The following GTF2A2 variants were observed in gnomAD, a reference collection of about 807,000 sequenced individuals.
The protein encoded by GTF2A2 is transcription initiation factor IIA subunit 2.
Under a neutral mutation model 14.3 loss-of-function variants are expected in GTF2A2, and 9 were observed. The observed-to-expected ratio is 0.63, with a 90% confidence interval of 0.38 to 1.10. GTF2A2 has a LOEUF of 1.10. GTF2A2 is among the 50% of genes least tolerant of loss of function. GTF2A2 has a pLI of 0.01. For synonymous variants in GTF2A2, 56 were observed against 46.0 expected, an observed-to-expected ratio of 1.22 and a Z score of -0.88; for missense variants, 90 against 124.6, an observed-to-expected ratio of 0.72 and a Z score of 1.32.
intron 3 of GTF2A2, chr15:59,644,278 CAT>C (rs1437147035): frequency 6.6e-6 from 1 of 152,194 alleles, no homozygotes; most frequent in Non-Finnish European, 1.5e-5. Flanking sequence ...CACATGCACA[CAT>C]ATAGTCACAT....
In GTF2A2 at chr15:59,639,175, A is replaced by C. The variant is rs773005782; in HGVS notation, c.305-18T>G. 1 of 1,207,644 alleles carries C rather than the reference A, an allele frequency of 8.3e-7. No homozygotes were observed. The highest frequency in any genetic ancestry group is 1.1e-6 in the Non-Finnish European group (1 of 888,210). The allele number at this position is 1,207,644 out of a possible 1,614,324, so 74.8% of individuals were successfully genotyped here. On this transcript the variant is annotated intron_variant, in intron 4 of 4. Coordinates refer to ENST00000396060, the MANE Select transcript of GTF2A2 (RefSeq NM_004492.3). ...GCCAGTATCTAGGAAACAAAAGAGA[A>C]AGTAAAGTAAAGTAAATTCAAGGAG...
chr15:59,639,212 T>A, intron 4 of GTF2A2, 55 bp from the exon 5 acceptor site: 2 of 1,055,230 alleles, frequency 1.9e-6, no homozygotes, highest in Non-Finnish European at 3.0e-6. Context: ...AATTTAATTT[T>A]ACAATTAACT....
chr15:59,656,941 T>C (rs1369882460), intron 1 of GTF2A2: 1 of 152,258 alleles, frequency 6.6e-6, no homozygotes, highest in Non-Finnish European at 1.5e-5. Flanking sequence ...TAACTCGTCC[T>C]AGCATTTTTT....
intron 2 of GTF2A2, chr15:59,651,280 C>G (rs753764375): frequency 6.6e-6 from 1 of 152,548 alleles, no homozygotes. Context: ...CGCATTCAAG[C>G]GATTCTCCTG....
intron 3 of GTF2A2, among the ~76,000 whole-genome samples, chr15:59,649,830 G>C (rs1891737645): frequency 6.6e-6 from 1 of 152,128 alleles, no homozygotes; most frequent in African/African-American, 2.4e-5. Context: ...TGCCTGGTAT[G>C]TTAACAGACA....
At chr15:59,641,439 A>T (rs1385140840) in intron 4 of GTF2A2, among the ~76,000 whole-genome samples, 2 of 152,154 alleles carry the variant, frequency 1.3e-5, no homozygotes, top group African/African-American at 4.8e-5. Context: ...TACTTTCTAC[A>T]TATCTTTCTC....
chr15:59,647,997 G>T (rs1258854775), intron 3 of GTF2A2, among the ~76,000 whole-genome samples: 5 of 152,156 alleles, frequency 3.3e-5, no homozygotes, highest in African/African-American at 9.7e-5. Flanking sequence ...TTTTTGGGGG[G>T]TGTGGCATTA....
In GTF2A2 at chr15:59,641,906, C is replaced by A. The variant is rs370270923; in HGVS notation, c.304+230G>T. ...AATGCTTATTAATTTGCTTATTTTA[C>A]CCACACAAATCCAACCTGTGTAAGC... On this transcript the variant is annotated intron_variant, in intron 4 of 4. Coordinates refer to ENST00000396060, the MANE Select transcript of GTF2A2 (RefSeq NM_004492.3). Among the ~76,000 whole-genome samples the A allele has an allele frequency of 2.6e-5, 4 of 152,290 alleles. No individual in the cohort carries two copies. In the East Asian group the frequency reaches 7.7e-4, roughly 29 times the overall value.
At chr15:59,639,187 G>GTAAATTCAAGGAGCAATT in intron 4 of GTF2A2, 30 bp from the exon 5 acceptor site, 1 of 1,275,260 alleles carries the variant, frequency 7.8e-7, no homozygotes, top group South Asian at 1.2e-5. Flanking sequence ...GTAAAGTAAA[G>GTAAATTCAAGGAGCAATT]TAAATTCAAG....
At chr15:59,641,382 C>G (rs866290574) in intron 4 of GTF2A2, among the ~76,000 whole-genome samples, 1 of 151,944 alleles carries the variant, frequency 6.6e-6, no homozygotes, top group African/African-American at 2.4e-5. Context: ...TTTGGAAATG[C>G]AAAATATATA....
Position 59,650,685 on chromosome 15 carries a change from T to C in GTF2A2, c.161A>G (p.Asn54Ser), listed in dbSNP as rs1891763910. 2 of 1,593,332 alleles carry C rather than the reference T, an allele frequency of 1.3e-6. No homozygotes were observed. Among genetic ancestry groups the C allele is most frequent in the Non-Finnish European group, 1.7e-6 (2 of 1,161,110 alleles). The change falls in exon 3 of 5, where the codon AAC (asparagine) becomes AGC (serine). Residue 54 changes from asparagine (N) to serine (S), a missense_variant. Coordinates refer to ENST00000396060, the MANE Select transcript of GTF2A2 (RefSeq NM_004492.3). ...TATCCTTACCCTGAAATTGACTCTG[T>C]TCCTGACCCTCTGAGCCAGTGCTGC... The part of the protein sequence containing the change: ...INAALAQRVR[N>S]RVNFRGSLNT...
At chr15:59,641,695 G>T (rs1891433786) in intron 4 of GTF2A2, among the ~76,000 whole-genome samples, 1 of 152,168 alleles carries the variant, frequency 6.6e-6, no homozygotes. Flanking sequence ...TAACAGATTA[G>T]ATGAATATTT....
At chr15:59,640,093 T>C (rs8035465) in intron 4 of GTF2A2, 86,040 of 151,886 alleles carry the variant, frequency 0.57, 25,012 homozygotes, top group Middle Eastern at 0.67. Context: ...TCTGCAGATA[T>C]AAAGTAAATG....
At position 59,638,264 on chromosome 15, in the gene GTF2A2, T is replaced by C. The variant is rs1891246795; in HGVS notation, c.*868A>G. 6.6e-6 allele frequency: 1 copy of C among 152,182 alleles called. No individual in the cohort carries two copies. The highest frequency in any genetic ancestry group is 1.5e-5 in the Non-Finnish European group (1 of 68,050). 9.4% of individuals were successfully genotyped at this position (152,182 alleles called of 1,614,324 possible). A position where few individuals can be genotyped will look rare whatever the true frequency, so the allele number is the denominator to read the frequency against. ...TACAGTGGCATGCTGAGGTAACAAC[T>C]GCAGGAGCATCGAGGTAACAGCAAA... is the stretch of plus-strand genomic sequence containing the variant. On this transcript the variant is annotated 3_prime_UTR_variant, in exon 5 of 5. Coordinates refer to ENST00000396060, the MANE Select transcript of GTF2A2 (RefSeq NM_004492.3).
rs187769107 is a variant in GTF2A2 at position 59,639,004 on chromosome 15, G to A, written c.*128C>T. ...ACAGAGTTACAAGTTTCTTTCTACT[G>A]GAATTCTCTGGTATAGCACAGTGTA... On this transcript the variant is annotated 3_prime_UTR_variant, in exon 5 of 5. Coordinates refer to ENST00000396060, the MANE Select transcript of GTF2A2 (RefSeq NM_004492.3). 1.4e-3 allele frequency: 933 copies of A among 654,582 alleles called. 4 individuals carry two copies. The highest frequency in any genetic ancestry group is 1.7e-3 in the Non-Finnish European group (614 of 359,344). The allele number at this position is 654,582 out of a possible 1,614,324, so 40.5% of individuals were successfully genotyped here.
intron 4 of GTF2A2, among the ~76,000 whole-genome samples, chr15:59,641,277 T>C (rs908328047): frequency 6.6e-6 from 1 of 151,648 alleles, no homozygotes; most frequent in East Asian, 1.9e-4. Flanking sequence ...AAAAAAGTTA[T>C]AACACCATCA....
intron 2 of GTF2A2, among the ~76,000 whole-genome samples, chr15:59,651,033 C>T (rs774049917): frequency 6.6e-6 from 1 of 152,158 alleles, no homozygotes; most frequent in Non-Finnish European, 1.5e-5. Context: ...TCAATTTTCC[C>T]TTACAGTGGC....
At chr15:59,653,853 A>T (rs1320115022) in intron 1 of GTF2A2, among the ~76,000 whole-genome samples, 1 of 152,180 alleles carries the variant, frequency 6.6e-6, no homozygotes, top group Non-Finnish European at 1.5e-5. Context: ...CGGTAACAGT[A>T]AACATAGTCT....
intron 4 of GTF2A2, among the ~76,000 whole-genome samples, 194 bp from the exon 5 acceptor site, chr15:59,639,351 T>TACAA (rs1891306684): frequency 6.6e-6 from 1 of 152,268 alleles, no homozygotes; most frequent in Admixed American, 6.5e-5. Context: ...TAAGCAGAGA[T>TACAA]ACAAAGATGC....
Sources: gnomAD v4.1 joint callset for allele counts (sites outside exome capture counted in the v4.1 genomes callset) on GRCh38, gnomAD v4.1.1 for gene constraint, MANE v1.5 for transcripts, NCBI Gene and HGNC (gene_info 2026-07-23, HGNC 2026-07-21) for gene names.